SLC35A1: variants seen among roughly 807,000 people sequenced by gnomAD.
The protein encoded by SLC35A1 is CMP-sialic acid transporter.
Under a neutral mutation model 40.3 loss-of-function variants are expected in SLC35A1, and 21 were observed. That is an observed-to-expected ratio of 0.52 (90% confidence interval 0.37 to 0.75). The LOEUF (loss-of-function observed/expected upper bound fraction) is 0.75, where lower values mean the gene tolerates loss of function less well. Ranked by LOEUF, SLC35A1 falls within the 30% of genes least tolerant of loss-of-function variation. SLC35A1 has a pLI of 0.00. For synonymous variants in SLC35A1, 146 were observed against 147.3 expected (o/e 0.99, Z 0.06); for missense variants, 297 against 382.1 (o/e 0.78, Z 1.86).
intron 4 of SLC35A1, among the ~76,000 whole-genome samples, chr6:87,502,342 G>A (rs922623117): frequency 3.3e-5 from 5 of 152,060 alleles, no homozygotes; most frequent in Admixed American, 2.0e-4. Context: ...TCTGAATACC[G>A]GAGACTTGTT....
intron 4 of SLC35A1, among the ~76,000 whole-genome samples, chr6:87,505,624 G>T (rs1770056436): frequency 6.6e-6 from 1 of 152,196 alleles, no homozygotes; most frequent in African/African-American, 2.4e-5. Flanking sequence ...CCAGAACACG[G>T]TGCTGGCATC....
intron 4 of SLC35A1, among the ~76,000 whole-genome samples, chr6:87,503,878 G>A (rs62419378): frequency 0.036 from 5,547 of 152,214 alleles, 120 homozygotes; most frequent in Middle Eastern, 0.054. Context: ...TGACCATTAA[G>A]CTTTTTAAGT....
intron 2 of SLC35A1, chr6:87,496,118 C>A (rs1248586753): frequency 6.6e-6 from 1 of 152,112 alleles, no homozygotes; most frequent in Non-Finnish European, 1.5e-5. Flanking sequence ...CCTAGTAGTT[C>A]TTGTTAGATC....
chr6:87,473,053 G>A, intron 1 of SLC35A1, 34 bp downstream of exon 1: 2 of 503,988 alleles, frequency 4.0e-6, no homozygotes, highest in Non-Finnish European at 3.3e-6. Flanking sequence ...TGGGGAGTCC[G>A]CGGGGGGCGG....
chr6:87,478,512 G>A (rs182823049), intron 2 of SLC35A1, among the ~76,000 whole-genome samples: 1 of 152,136 alleles, frequency 6.6e-6, no homozygotes, highest in African/African-American at 2.4e-5. Context: ...AGTGTTGTGT[G>A]TAGGCTTTTA....
chr6:87,511,734 A>G lies in SLC35A1; in HGVS notation c.*208A>G, dbSNP rs1310519739. ...AATGTAGACCTGTTTGGGGTCTACT[A>G]TTGTTTTAGAATGAAGGAATTGTAT... On this transcript the variant is annotated 3_prime_UTR_variant, in exon 8 of 8. Transcript: ENST00000369552. The G allele has an allele frequency of 1.1e-4, 66 of 587,468 alleles. No homozygotes were observed. In the East Asian group the frequency reaches 1.6e-3, roughly 14 times the overall value. 36.4% of individuals were successfully genotyped at this position (587,468 alleles called of 1,614,324 possible). A position where few individuals can be genotyped will look rare whatever the true frequency, so the allele number is the denominator to read the frequency against.
At chr6:87,486,324 T>G (rs1379977308) in intron 2 of SLC35A1, among the ~76,000 whole-genome samples, 2 of 152,220 alleles carry the variant, frequency 1.3e-5, no homozygotes, top group Non-Finnish European at 2.9e-5. Flanking sequence ...ACTGCCATAT[T>G]CAAATCTGTG....
Position 87,477,369 on chromosome 6 carries a change from C to A in SLC35A1, c.24C>A (p.Val8=). The stretch of plus-strand genomic sequence containing the variant: ...GTTGCACGTATTTTCCAGACAATGT[C>A]ACTTTATTATTCAAGTTATACTGCT... The part of the protein sequence containing the change: MAAPRDN[V]TLLFKLYCLA... Residue 8 remains valine, a synonymous_variant, in exon 2 of 8, where the codon GTC becomes GTA. Transcript: ENST00000369552. 6.2e-7 allele frequency: 1 copy of A among 1,612,600 alleles called. No individual in the cohort carries two copies. Among genetic ancestry groups the A allele is most frequent in the South Asian group, 1.1e-5 (1 of 91,032 alleles).
At chr6:87,500,400 T>C in intron 2 of SLC35A1, 108 bp from the exon 3 acceptor site, 1 of 1,078,700 alleles carries the variant, frequency 9.3e-7, no homozygotes, top group Non-Finnish European at 1.4e-6. Flanking sequence ...TTTGCTAAAT[T>C]ACAGCAAGCA....
At chr6:87,492,581 CTT>C (rs1248464961) in intron 2 of SLC35A1, among the ~76,000 whole-genome samples, 1 of 123,016 alleles carries the variant, frequency 8.1e-6, no homozygotes, top group Non-Finnish European at 1.6e-5. Context: ...GAGTTTCACT[CTT>C]GTTGCCCAGG....
chr6:87,483,157 C>G (rs1431539255), intron 2 of SLC35A1, among the ~76,000 whole-genome samples: 1 of 151,840 alleles, frequency 6.6e-6, no homozygotes, highest in Non-Finnish European at 1.5e-5. Context: ...TTTATTACTT[C>G]TCTCTGTCTC....
intron 2 of SLC35A1, among the ~76,000 whole-genome samples, chr6:87,498,257 G>GC (rs1769801956): frequency 2.0e-5 from 3 of 152,116 alleles, no homozygotes; most frequent in Admixed American, 2.0e-4. Context: ...ATCAGTGTAT[G>GC]AGTCAGCATT....
At chr6:87,481,368 G>A (rs1235052861) in intron 2 of SLC35A1, among the ~76,000 whole-genome samples, 3 of 150,584 alleles carry the variant, frequency 2.0e-5, no homozygotes, top group Non-Finnish European at 4.4e-5. Flanking sequence ...GGTGAGCCGA[G>A]ATCGCGCCAT....
chr6:87,484,524 T>C (rs1326778019), intron 2 of SLC35A1, among the ~76,000 whole-genome samples: 3 of 152,104 alleles, frequency 2.0e-5, no homozygotes, highest in Non-Finnish European at 4.4e-5. Context: ...TTGGCTAGGG[T>C]TAGACCGCAC....
At chr6:87,482,988 C>G (rs916206170) in intron 2 of SLC35A1, among the ~76,000 whole-genome samples, 3 of 152,142 alleles carry the variant, frequency 2.0e-5, no homozygotes, top group African/African-American at 7.2e-5. Context: ...GATAGGAAGG[C>G]TATGGGTCGT....
intron 2 of SLC35A1, among the ~76,000 whole-genome samples, chr6:87,478,961 A>G (rs1015935311): frequency 6.6e-6 from 1 of 152,198 alleles, no homozygotes; most frequent in Non-Finnish European, 1.5e-5. Context: ...GTTAGACTGC[A>G]CAGGCTAAAC....
intron 4 of SLC35A1, among the ~76,000 whole-genome samples, chr6:87,503,627 G>A (rs530846644): frequency 6.6e-6 from 1 of 152,070 alleles, no homozygotes; most frequent in Non-Finnish European, 1.5e-5. Flanking sequence ...CAGGAGAATC[G>A]CTTGAACCTG....
chr6:87,511,608 TA>T lies in SLC35A1; in HGVS notation c.*85del, dbSNP rs1333421583. 16 of 1,461,320 alleles carry T rather than the reference TA, an allele frequency of 1.1e-5. No homozygotes were observed. Among genetic ancestry groups the T allele is most frequent in the Non-Finnish European group, 1.4e-5 (15 of 1,042,186 alleles). The allele number at this position is 1,461,320 out of a possible 1,614,324, so 90.5% of individuals were successfully genotyped here. ...CTTAAGTCAATCTCAGAAGGTAGCA[TA>T]AACAAATAAAAATTAACTGTATGGC... On this transcript the variant is annotated 3_prime_UTR_variant, in exon 8 of 8. Transcript: ENST00000369552.
chr6:87,493,552 TCTC>T (rs1562022383), intron 2 of SLC35A1, among the ~76,000 whole-genome samples: 1 of 152,154 alleles, frequency 6.6e-6, no homozygotes, highest in East Asian at 1.9e-4. Flanking sequence ...ATTCTAAACT[TCTC>T]CTTACCCATG....
Sources: gnomAD v4.1 joint callset for allele counts (sites outside exome capture counted in the v4.1 genomes callset) on GRCh38, gnomAD v4.1.1 for gene constraint, MANE v1.5 for transcripts, NCBI Gene and HGNC (gene_info 2026-07-23, HGNC 2026-07-21) for gene names.